Variants in DGLUCY observed in about 807,000 individuals in gnomAD.
DGLUCY encodes D-glutamate cyclase, mitochondrial.
DGLUCY carries 58 observed loss-of-function variants against 58.5 expected under a neutral mutation model. The observed-to-expected ratio is 0.99, with a 90% CI of 0.80 to 1.23. The LOEUF (loss-of-function observed/expected upper bound fraction) is 1.23, where lower values mean the gene tolerates loss of function less well. DGLUCY is among the 50% of genes most tolerant of loss of function. The pLI is 0.00. For missense variants in DGLUCY, 779 were observed against 784.7 expected, an observed-to-expected ratio of 0.99 and a Z score of 0.09; for synonymous variants, 325 against 314.1, an observed-to-expected ratio of 1.03 and a Z score of -0.37.
rs139000129 is a variant in DGLUCY at position 91,188,945 on chromosome 14, G to C, written c.970G>C (p.Glu324Gln). The C allele has an allele frequency of 3.2e-5, 52 of 1,614,052 alleles. No individual in the cohort carries two copies. Among genetic ancestry groups the C allele is most frequent in the Non-Finnish European group, 4.1e-5 (48 of 1,180,036 alleles). The change falls in exon 9 of 14, where the codon GAG becomes CAG. Residue 324 changes from glutamate to glutamine, a missense_variant. Glu to Gln is a conservative substitution (Grantham distance 29, BLOSUM62 2). Transcript: ENST00000256324. ...RGIGHLLCKD[E>Q]LLKASLSLSH... ...GATTGGGCACCTGCTCTGTAAAGAT[G>C]AGCTGCTGAAGGCCTCTCTCTCGCT...
intron 1 of DGLUCY, among the ~76,000 whole-genome samples, chr14:91,155,517 G>C (rs566638646): frequency 6.6e-6 from 1 of 152,186 alleles, no homozygotes; most frequent in Non-Finnish European, 1.5e-5. Context: ...ATGGCCAGGC[G>C]TGGTGGCTTT....
intron 1 of DGLUCY, among the ~76,000 whole-genome samples, chr14:91,077,057 A>G (rs1195399755): frequency 6.6e-6 from 1 of 152,126 alleles, no homozygotes; most frequent in Non-Finnish European, 1.5e-5. Flanking sequence ...AACCTGAGCA[A>G]CATCGTGAGA....
Position 91,139,747 on chromosome 14 carries a change from A to G in DGLUCY, c.-81-17892A>G, listed in dbSNP as rs576883632. Among the ~76,000 whole-genome samples the G allele has an allele frequency of 3.3e-5, 5 of 152,372 alleles. No homozygotes were observed. In the South Asian group the frequency reaches 1.0e-3, roughly 32 times the overall value. ...TGTGATACAATCAAGGTGACACATA[A>G]AATTGACCATCACACTGTAAACCAA... is the stretch of plus-strand genomic sequence containing the variant. On this transcript the variant is annotated intron_variant, in intron 1 of 13. Coordinates refer to ENST00000256324, the MANE Select transcript of DGLUCY (RefSeq NM_001102368.3).
chr14:91,083,377 C>T (rs1185278305), intron 1 of DGLUCY, among the ~76,000 whole-genome samples: 6 of 152,068 alleles, frequency 3.9e-5, no homozygotes, highest in African/African-American at 1.4e-4. Context: ...CTAAAATTAG[C>T]TGGGCATGAT....
chr14:91,173,143 C>G (rs1878848067), intron 5 of DGLUCY, 146 bp from the exon 6 acceptor site: 4 of 896,370 alleles, frequency 4.5e-6, no homozygotes, highest in East Asian at 5.3e-5. Context: ...CTCCCTCTCT[C>G]TATGTCACAT....
intron 3 of DGLUCY, among the ~76,000 whole-genome samples, chr14:91,166,922 CAGTTGGCCCAACATGGGCCAAT>C (rs2048315427): frequency 6.6e-6 from 1 of 152,116 alleles, no homozygotes; most frequent in Admixed American, 6.6e-5. Flanking sequence ...CAACATGGAA[CAGTTGGCCCAACATGGGCCAAT>C]AAATATCCCA....
intron 5 of DGLUCY, among the ~76,000 whole-genome samples, chr14:91,171,876 G>A (rs114581742): frequency 0.017 from 2,532 of 152,206 alleles, 72 homozygotes; most frequent in African/African-American, 0.057. Context: ...GGATTCAGGA[G>A]GCAGAGTGAA....
intron 1 of DGLUCY, among the ~76,000 whole-genome samples, chr14:91,063,250 CT>C (rs780078383): frequency 0.014 from 1,983 of 142,134 alleles, 13 homozygotes; most frequent in African/African-American, 0.031. Flanking sequence ...CACAGGAAGA[CT>C]TTTTTTTTTT....
chr14:91,165,808 G>A (rs1205504308), intron 3 of DGLUCY, among the ~76,000 whole-genome samples: 1 of 152,216 alleles, frequency 6.6e-6, no homozygotes, highest in African/African-American at 2.4e-5. Flanking sequence ...CTGCTTGGCA[G>A]TATCTATTAA....
At chr14:91,154,782 G>T (rs1005936271) in intron 1 of DGLUCY, among the ~76,000 whole-genome samples, 1 of 152,188 alleles carries the variant, frequency 6.6e-6, no homozygotes, top group Admixed American at 6.5e-5. Context: ...CTTCCTAAAA[G>T]GCAAGTTTCA....
chr14:91,210,967 A>T (rs946436808), intron 12 of DGLUCY, among the ~76,000 whole-genome samples: 1 of 152,238 alleles, frequency 6.6e-6, no homozygotes, highest in Non-Finnish European at 1.5e-5. Flanking sequence ...AGAAAATTCA[A>T]AAGAATCAAC....
At chr14:91,131,733 A>G (rs887754587) in intron 1 of DGLUCY, among the ~76,000 whole-genome samples, 10 of 151,996 alleles carry the variant, frequency 6.6e-5, no homozygotes, top group African/African-American at 2.4e-4. Flanking sequence ...TTCGTACTTC[A>G]TATTTAAGTA....
At chr14:91,127,196 A>ACAGG (rs1238005683) in intron 1 of DGLUCY, among the ~76,000 whole-genome samples, 14 of 151,688 alleles carry the variant, frequency 9.2e-5, no homozygotes, top group African/African-American at 3.4e-4. Context: ...AGCTAGAACC[A>ACAGG]CAGGCATGTG....
At chr14:91,187,102 C>T (rs527739184) in intron 8 of DGLUCY, among the ~76,000 whole-genome samples, 185 of 152,098 alleles carry the variant, frequency 1.2e-3, no homozygotes, top group African/African-American at 4.1e-3. Context: ...CGAGTTGAAG[C>T]GATTCTCCTG....
chr14:91,216,645 CAAAA>C (rs71120125), intron 13 of DGLUCY, among the ~76,000 whole-genome samples: 1 of 137,508 alleles, frequency 7.3e-6, no homozygotes. Flanking sequence ...GACCCTGTCT[CAAAA>C]AAAAAAAAAA....
At chr14:91,185,746 T>A (rs2049479207) in intron 8 of DGLUCY, among the ~76,000 whole-genome samples, 1 of 149,558 alleles carries the variant, frequency 6.7e-6, no homozygotes, top group Non-Finnish European at 1.5e-5. Flanking sequence ...TTATTGCAGA[T>A]GTGGTGCACC....
In DGLUCY at chr14:91,167,354, C is replaced by G. The variant is rs763344275; in HGVS notation, c.233C>G (p.Pro78Arg). The G allele has an allele frequency of 3.1e-6, 5 of 1,614,158 alleles. No individual in the cohort carries two copies. The East Asian group carries it at 6.7e-5, about 22-fold the overall frequency. Residue 78 changes from proline (P) to arginine (R), a missense_variant, in exon 4 of 14, where the codon CCT (proline) becomes CGT (arginine). By Grantham distance (103) the Pro-to-Arg change is moderately radical. Coordinates refer to ENST00000256324, the MANE Select transcript of DGLUCY (RefSeq NM_001102368.3). The stretch of plus-strand genomic sequence containing the variant: ...GAGCCAGAAAAGTGGATGCTGCCCC[C>G]TCAAGGTGCTATCTCAGAGACCAGG... ...QSEPEKWMLP[P>R]QGAISETRMG...
At chr14:91,212,995 C>T (rs962363779) in intron 12 of DGLUCY, among the ~76,000 whole-genome samples, 1 of 143,298 alleles carries the variant, frequency 7.0e-6, no homozygotes, top group South Asian at 2.3e-4. Context: ...AGTAAGACTC[C>T]GTCTCTAAAA....
At chr14:91,118,080 C>G (rs1307780844) in intron 1 of DGLUCY, among the ~76,000 whole-genome samples, 9 of 93,500 alleles carry the variant, frequency 9.6e-5, no homozygotes, top group African/African-American at 3.6e-4. Context: ...TCCCCGCCCC[C>G]CCCCCCCCTT....
Sources: allele counts gnomAD v4.1 joint callset (sites outside exome capture counted in the v4.1 genomes callset), GRCh38; gene constraint gnomAD v4.1.1; transcripts MANE v1.5; gene names NCBI Gene and HGNC (gene_info 2026-07-23, HGNC 2026-07-21).